The following BRAF variants were observed in gnomAD, a reference collection of about 807,000 sequenced individuals.
The protein encoded by BRAF is B-Raf proto-oncogene, serine/threonine kinase.
BRAF carries 16 observed loss-of-function variants against 104.6 expected under a neutral mutation model. That is an observed-to-expected ratio of 0.15 (90% CI 0.10 to 0.23). The LOEUF is 0.23. Among genes scored for constraint, BRAF ranks in the 10% least tolerant of loss-of-function variants. The pLI is 1.00. For missense variants in BRAF, 541 were observed against 937.3 expected (o/e 0.58, Z 5.52); for synonymous variants, 310 against 341.6 (o/e 0.91, Z 1.02).
chr7:140,842,690 T>G (rs1808095347), intron 2 of BRAF, among the ~76,000 whole-genome samples: 1 of 152,158 alleles, frequency 6.6e-6, no homozygotes, highest in Admixed American at 6.5e-5. Flanking sequence ...CAGAGTAAAT[T>G]TATCTTTTCT....
intron 1 of BRAF, among the ~76,000 whole-genome samples, chr7:140,899,083 T>A (rs1815289398): frequency 6.6e-6 from 1 of 152,118 alleles, no homozygotes; most frequent in African/African-American, 2.4e-5. Context: ...ATATGAATAA[T>A]ACTGTTATGA....
At chr7:140,915,894 C>T (rs970976687) in intron 1 of BRAF, among the ~76,000 whole-genome samples, 2 of 151,796 alleles carry the variant, frequency 1.3e-5, no homozygotes, top group African/African-American at 4.8e-5. Context: ...TGCGGTGGCT[C>T]ATGCCTGTAA....
chr7:140,848,199 G>A (rs1808777710), intron 2 of BRAF, among the ~76,000 whole-genome samples: 1 of 152,158 alleles, frequency 6.6e-6, no homozygotes. Flanking sequence ...TGGGGGGTGA[G>A]GGTGGGGAAA....
rs17161705 is a variant in BRAF at position 140,783,531 on chromosome 7, T to A, written c.1298-374A>T. Reference sequence around the variant, plus strand: ...AGCAAAATAAATGTAAAAGCCTATATAACAAATACATTTTTAATTAATTAT... The same window carrying A: ...AGCAAAATAAATGTAAAAGCCTATAAAACAAATACATTTTTAATTAATTAT... On this transcript the variant is annotated intron_variant, in intron 10 of 19. Coordinates refer to ENST00000644969, the MANE Select transcript of BRAF (RefSeq NM_001374258.1). 867 of 235,184 alleles carry A rather than the reference T, an allele frequency of 3.7e-3. 4 individuals carry two copies. Among genetic ancestry groups the A allele is most frequent in the African/African-American group, 0.017 (764 of 45,408 alleles). The allele number at this position is 235,184 out of a possible 1,614,324, so 14.6% of individuals were successfully genotyped here.
At chr7:140,879,734 CTTTTTT>C (rs111477938) in intron 1 of BRAF, among the ~76,000 whole-genome samples, 1 of 141,704 alleles carries the variant, frequency 7.1e-6, no homozygotes. Flanking sequence ...CAATTTCTTT[CTTTTTT>C]TTTTTTTTAA....
At chr7:140,870,665 C>T (rs1811477020) in intron 1 of BRAF, among the ~76,000 whole-genome samples, 1 of 150,266 alleles carries the variant, frequency 6.7e-6, no homozygotes, top group Admixed American at 6.6e-5. Context: ...TATCTTCCAA[C>T]TAGTCTACTG....
chr7:140,720,068 C>T lies in BRAF; in HGVS notation c.*6426G>A, dbSNP rs1361852127. ...GGGATTTCCTTTTTCTTGGTCTAAA[C>T]CAAAGAGCAATGACAACTACTGAAT... is the stretch of plus-strand genomic sequence containing the variant. On this transcript the variant is annotated 3_prime_UTR_variant, in exon 20 of 20. Transcript: ENST00000644969. The T allele has an allele frequency of 1.9e-6, 2 of 1,060,340 alleles. No homozygotes were observed. The highest frequency in any genetic ancestry group is 2.3e-6 in the Non-Finnish European group (2 of 876,300). The allele number at this position is 1,060,340 out of a possible 1,614,324, so 65.7% of individuals were successfully genotyped here.
intron 1 of BRAF, among the ~76,000 whole-genome samples, chr7:140,885,293 G>A (rs1169546894): frequency 6.6e-6 from 1 of 151,852 alleles, no homozygotes; most frequent in Non-Finnish European, 1.5e-5. Flanking sequence ...GTGAGCCACC[G>A]CACCTGGCCC....
intron 1 of BRAF, among the ~76,000 whole-genome samples, chr7:140,861,864 G>C (rs1810454309): frequency 6.6e-6 from 1 of 152,160 alleles, no homozygotes; most frequent in African/African-American, 2.4e-5. Context: ...AAAAGTGGGA[G>C]GGCGAGAGGG....
intron 9 of BRAF, among the ~76,000 whole-genome samples, chr7:140,787,042 C>T (rs1320019205): frequency 6.6e-6 from 1 of 152,132 alleles, no homozygotes; most frequent in Non-Finnish European, 1.5e-5. Flanking sequence ...TGGCTCACGC[C>T]TGTAATCCCA....
At position 140,819,969 on chromosome 7, in the gene BRAF, G is replaced by T. The variant is rs549877689; in HGVS notation, c.505-10974C>A. Among the ~76,000 whole-genome samples, 16 of 152,204 alleles carry T rather than the reference G, an allele frequency of 1.1e-4. No homozygotes were observed. In the South Asian group the frequency reaches 1.5e-3, roughly 14 times the overall value. ...TAAATGGGTAAATTGTATGGCTTTT[G>T]AATTATATCTCAATAAACCATCAAA... On this transcript the variant is annotated intron_variant, in intron 3 of 19. Coordinates refer to ENST00000644969, the MANE Select transcript of BRAF (RefSeq NM_001374258.1).
chr7:140,904,013 T>G (rs1447856918), intron 1 of BRAF, among the ~76,000 whole-genome samples: 2 of 152,220 alleles, frequency 1.3e-5, no homozygotes, highest in Non-Finnish European at 2.9e-5. Context: ...GAAGATGCTG[T>G]GAGCAAACAC....
At position 140,722,317 on chromosome 7, in the gene BRAF, T is replaced by C. The variant is rs1415455012; in HGVS notation, c.*4177A>G. The C allele has an allele frequency of 9.5e-7, 1 of 1,055,610 alleles. No homozygotes were observed. The highest frequency in any genetic ancestry group is 1.7e-5 in the African/African-American group (1 of 60,602). 65.4% of individuals were successfully genotyped at this position (1,055,610 alleles called of 1,614,324 possible). A position where few individuals can be genotyped will look rare whatever the true frequency, so the allele number is the denominator to read the frequency against. On this transcript the variant is annotated 3_prime_UTR_variant, in exon 20 of 20. Transcript: ENST00000644969. Reference sequence around the variant, plus strand: ...CTCTTTAGTGCATTTACCTATGCAGTCTAAATTGCACTCTAAAAATTATTA... The same window carrying C: ...CTCTTTAGTGCATTTACCTATGCAGCCTAAATTGCACTCTAAAAATTATTA...
chr7:140,741,081 T>C (rs1796878287), intron 17 of BRAF: 2 of 152,118 alleles, frequency 1.3e-5, no homozygotes, highest in South Asian at 2.1e-4. Context: ...GTCTTCAAAG[T>C]TGAGAGAAAG....
rs1796059414 is a variant in BRAF at position 140,732,490 on chromosome 7, A to G, written c.2401+2127T>C. 4 of 152,154 alleles carry G rather than the reference A, an allele frequency of 2.6e-5. No homozygotes were observed. In the South Asian group the frequency reaches 8.3e-4, roughly 32 times the overall value. The allele number at this position is 152,154 out of a possible 1,614,324, so 9.4% of individuals were successfully genotyped here. On this transcript the variant is annotated intron_variant, in intron 19 of 19. Coordinates refer to ENST00000644969, the MANE Select transcript of BRAF (RefSeq NM_001374258.1). Reference sequence around the variant, plus strand: ...GTTAGCTAAACATGTCACCTGTCACATTTTTAATGTCCTTTCACTAACATT... The same window carrying G: ...GTTAGCTAAACATGTCACCTGTCACGTTTTTAATGTCCTTTCACTAACATT...
Position 140,720,268 on chromosome 7 carries a change from A to G in BRAF, c.*6226T>C, listed in dbSNP as rs1193583284. On this transcript the variant is annotated 3_prime_UTR_variant, in exon 20 of 20. Coordinates refer to ENST00000644969, the MANE Select transcript of BRAF (RefSeq NM_001374258.1). The stretch of plus-strand genomic sequence containing the variant: ...TGATACAGTCCTCAAAAATCAGGCG[A>G]TATCATGAAGGCCAAACTGAGTCTA... The G allele has an allele frequency of 2.0e-5, 21 of 1,062,912 alleles. No individual in the cohort carries two copies. Among genetic ancestry groups the G allele is most frequent in the Non-Finnish European group, 2.4e-5 (21 of 877,868 alleles). 65.8% of individuals were successfully genotyped at this position (1,062,912 alleles called of 1,614,324 possible).
In BRAF at chr7:140,721,801, T is replaced by C. The variant is rs1795338714; in HGVS notation, c.*4693A>G. 7.0e-6 allele frequency: 10 copies of C among 1,421,364 alleles called. No homozygotes were observed. In the South Asian group the frequency reaches 1.3e-4, roughly 18 times the overall value. The allele number at this position is 1,421,364 out of a possible 1,614,324, so 88.0% of individuals were successfully genotyped here. On this transcript the variant is annotated 3_prime_UTR_variant, in exon 20 of 20. Transcript: ENST00000644969. ...GGAATATGTTTTCTTTTACATCCAA[T>C]GGCCAGGTCATAAAGGATGCCTTGA...
intron 8 of BRAF, among the ~76,000 whole-genome samples, chr7:140,790,330 C>G (rs1262401021): frequency 6.6e-6 from 1 of 152,146 alleles, no homozygotes; most frequent in Non-Finnish European, 1.5e-5. Flanking sequence ...CCTTGACAAT[C>G]TTTTCTACTC....
At position 140,879,532 on chromosome 7, in the gene BRAF, T is replaced by C. The variant is rs538572960; in HGVS notation, c.139-29320A>G. ...GTGTAGCTATAATGTAGTCTAGTAATGTCCAATAGCATTATTCTAAAAAAA... is the reference window on the plus strand; with the variant it reads ...GTGTAGCTATAATGTAGTCTAGTAACGTCCAATAGCATTATTCTAAAAAAA... On this transcript the variant is annotated intron_variant, in intron 1 of 19. Transcript: ENST00000644969. 6.8e-5 allele frequency among the ~76,000 whole-genome samples: 9 copies of C among 132,168 alleles called. No individual in the cohort carries two copies. The South Asian group carries it at 2.2e-3, about 33-fold the overall frequency. 86.7% of individuals were successfully genotyped at this position (132,168 alleles called of 152,430 possible). A position where few individuals can be genotyped will look rare whatever the true frequency, so the allele number is the denominator to read the frequency against.
Sources: gnomAD v4.1 joint callset for allele counts (sites outside exome capture counted in the v4.1 genomes callset) on GRCh38, gnomAD v4.1.1 for gene constraint, MANE v1.5 for transcripts, NCBI Gene and HGNC (gene_info 2026-07-23, HGNC 2026-07-21) for gene names.